ANKIB1: variants seen among roughly 807,000 people sequenced by gnomAD.
The protein encoded by ANKIB1 is ankyrin repeat and IBR domain containing 1, also known as ankyrin repeat and IBR domain-containing protein 1.
Under a neutral mutation model 122.1 loss-of-function variants are expected in ANKIB1, and 43 were observed. That is an observed-to-expected ratio of 0.35 (90% CI 0.28 to 0.45). ANKIB1 has a LOEUF of 0.45. ANKIB1 is among the 20% of genes least tolerant of loss of function. The pLI is 1.00. For synonymous variants in ANKIB1, 390 were observed against 442.0 expected (o/e 0.88, Z 1.48); for missense variants, 992 against 1,329.5 (o/e 0.75, Z 3.95).
At chr7:92,280,588 A>C (rs1320396693) in intron 1 of ANKIB1, among the ~76,000 whole-genome samples, 1 of 151,818 alleles carries the variant, frequency 6.6e-6, no homozygotes, top group African/African-American at 2.4e-5. Flanking sequence ...GCTCACTTTT[A>C]GTAATATTTG....
intron 2 of ANKIB1, among the ~76,000 whole-genome samples, chr7:92,297,377 A>G (rs1351760979): frequency 6.6e-6 from 1 of 152,226 alleles, no homozygotes; most frequent in East Asian, 1.9e-4. Flanking sequence ...TTATCTGTAT[A>G]ATGGATATTT....
chr7:92,321,898 T>C (rs1216031479), intron 4 of ANKIB1, among the ~76,000 whole-genome samples: 1 of 152,164 alleles, frequency 6.6e-6, no homozygotes, highest in Non-Finnish European at 1.5e-5. Context: ...GCCCTAAGCG[T>C]TTTGCTGGCC....
At chr7:92,316,029 C>G (rs182767781) in intron 3 of ANKIB1, among the ~76,000 whole-genome samples, 1 of 152,204 alleles carries the variant, frequency 6.6e-6, no homozygotes, top group East Asian at 1.9e-4. Context: ...CCCCCTACCC[C>G]TCTTCCTCTG....
intron 1 of ANKIB1, among the ~76,000 whole-genome samples, chr7:92,253,427 A>G (rs189618248): frequency 4.6e-5 from 7 of 151,886 alleles, no homozygotes; most frequent in Non-Finnish European, 8.8e-5. Flanking sequence ...ACTCTGTGCA[A>G]CTCTCTGTTT....
chr7:92,311,371 A>G (rs560767612), intron 3 of ANKIB1, among the ~76,000 whole-genome samples: 1 of 152,128 alleles, frequency 6.6e-6, no homozygotes, highest in Admixed American at 6.6e-5. Flanking sequence ...GATGATCTCA[A>G]ATTTATTTAG....
At chr7:92,332,095 C>G (rs1479536111) in intron 5 of ANKIB1, among the ~76,000 whole-genome samples, 1 of 152,152 alleles carries the variant, frequency 6.6e-6, no homozygotes, top group Non-Finnish European at 1.5e-5. Flanking sequence ...GCATTGATAA[C>G]TTACTAAAAG....
chr7:92,363,071 T>C (rs1803987369), intron 10 of ANKIB1, among the ~76,000 whole-genome samples: 1 of 151,172 alleles, frequency 6.6e-6, no homozygotes, highest in African/African-American at 2.4e-5. Context: ...AAAAAAGACT[T>C]AGATAATGGT....
intron 3 of ANKIB1, among the ~76,000 whole-genome samples, chr7:92,317,170 G>A (rs887646268): frequency 3.3e-5 from 5 of 152,150 alleles, no homozygotes; most frequent in East Asian, 3.8e-4. Context: ...TAAGTTCCCC[G>A]TATTGAATAA....
intron 4 of ANKIB1, among the ~76,000 whole-genome samples, chr7:92,322,364 C>G (rs1802930335): frequency 6.6e-6 from 1 of 151,942 alleles, no homozygotes. Flanking sequence ...AAGTTTGATG[C>G]TAATTCTATA....
At chr7:92,340,416 G>C (rs377691720) in intron 5 of ANKIB1, among the ~76,000 whole-genome samples, 24 of 152,276 alleles carry the variant, frequency 1.6e-4, no homozygotes, top group Non-Finnish European at 2.5e-4. Context: ...CCAATTTACA[G>C]TATTTGGGAA....
At chr7:92,322,560 G>C (rs1397371874) in intron 4 of ANKIB1, among the ~76,000 whole-genome samples, 1 of 152,044 alleles carries the variant, frequency 6.6e-6, no homozygotes, top group Non-Finnish European at 1.5e-5. Context: ...AGTGGTAACA[G>C]TTTCTTAAGT....
At chr7:92,250,970 T>C (rs1801317833) in intron 1 of ANKIB1, among the ~76,000 whole-genome samples, 1 of 152,230 alleles carries the variant, frequency 6.6e-6, no homozygotes. Context: ...CTTCTGTTTT[T>C]AGGACTGTAG....
At position 92,391,406 on chromosome 7, in the gene ANKIB1, T is replaced by G. The variant is rs564983076; in HGVS notation, c.2231+62T>G. On this transcript the variant is annotated intron_variant, in intron 16 of 19. Transcript: ENST00000265742. ...CCAGCCACAAATACCAGCAGTTTTG[T>G]TTTTTATCCAACTAGGGTTCATATT... The G allele has an allele frequency of 9.7e-5, 133 of 1,366,384 alleles. 2 individuals are homozygous for G. The South Asian group carries it at 2.4e-3, about 25-fold the overall frequency. 84.6% of individuals were successfully genotyped at this position (1,366,384 alleles called of 1,614,324 possible).
chr7:92,361,458 A>G (rs1394520815), intron 9 of ANKIB1, among the ~76,000 whole-genome samples: 2 of 152,208 alleles, frequency 1.3e-5, no homozygotes, highest in African/African-American at 4.8e-5. Flanking sequence ...TATAGATTCT[A>G]ATCTGTAAAT....
Position 92,374,474 on chromosome 7 carries a change from A to G in ANKIB1, c.1617+2867A>G, listed in dbSNP as rs150642082. Among the ~76,000 whole-genome samples the G allele has an allele frequency of 1.8e-3, 271 of 152,292 alleles. 1 individual carries two copies. The highest frequency in any genetic ancestry group is 6.4e-3 in the African/African-American group (264 of 41,558). On this transcript the variant is annotated intron_variant, in intron 11 of 19. Transcript: ENST00000265742. ...GCGTGGGCAACAAGAGCAAAACTCC[A>G]TATCAAAAAAAGAAAGAAAGAAATT...
intron 2 of ANKIB1, among the ~76,000 whole-genome samples, chr7:92,298,768 T>TA (rs34091044): frequency 0.5 from 58,694 of 117,336 alleles, 14,267 homozygotes; most frequent in African/African-American, 0.61. Flanking sequence ...CACTTGCAGT[T>TA]AAAAAAAAAA....
intron 2 of ANKIB1, 106 bp from the exon 3 acceptor site, chr7:92,307,253 C>A: frequency 8.7e-7 from 1 of 1,154,484 alleles, no homozygotes; most frequent in Non-Finnish European, 1.2e-6. Context: ...ATTGGATTAT[C>A]AGCTTAGAAG....
intron 15 of ANKIB1, 39 bp downstream of exon 15, chr7:92,390,155 T>C (rs780657285): frequency 4.9e-6 from 7 of 1,432,168 alleles, no homozygotes; most frequent in African/African-American, 1.5e-5. Flanking sequence ...GCAGCAGTTA[T>C]TATGAAATAC....
chr7:92,270,812 A>G (rs1801773097), intron 1 of ANKIB1, among the ~76,000 whole-genome samples: 1 of 139,538 alleles, frequency 7.2e-6, no homozygotes, highest in South Asian at 2.2e-4. Context: ...GGTTTCTTGC[A>G]TTCAGCATGA....
Sources: allele counts gnomAD v4.1 joint callset (sites outside exome capture counted in the v4.1 genomes callset), GRCh38; gene constraint gnomAD v4.1.1; transcripts MANE v1.5; gene names NCBI Gene and HGNC (gene_info 2026-07-23, HGNC 2026-07-21).